Variants in SLX9 observed in about 807,000 individuals in gnomAD.
SLX9 encodes ribosome biogenesis protein SLX9 homolog.
A neutral mutation model predicts 20.8 loss-of-function variants in SLX9; 19 were observed. The observed-to-expected ratio is 0.91, with a 90% CI of 0.64 to 1.34. The LOEUF is 1.34. Among genes scored for constraint, SLX9 ranks in the 40% most tolerant of loss-of-function variants. The pLI, the probability that SLX9 is intolerant of heterozygous loss-of-function variation, is 0.00. For synonymous variants in SLX9, 113 were observed against 137.1 expected (o/e 0.82, Z 1.23); for missense variants, 299 against 322.2 (o/e 0.93, Z 0.55).
intron 2 of SLX9, among the ~76,000 whole-genome samples, chr21:44,954,578 G>T (rs2084820313): frequency 6.6e-6 from 1 of 152,200 alleles, no homozygotes; most frequent in Admixed American, 6.5e-5. Flanking sequence ...GACTGCGGAG[G>T]TGGGCACAGG....
At chr21:44,963,437 T>C (rs2084982019) in intron 3 of SLX9, among the ~76,000 whole-genome samples, 1 of 151,848 alleles carries the variant, frequency 6.6e-6, no homozygotes, top group Admixed American at 6.6e-5. Flanking sequence ...ATATTAGTTA[T>C]TGTGTGTGTG....
At position 44,950,934 on chromosome 21, in the gene SLX9, G is replaced by T. The variant is rs1194192121; in HGVS notation, c.283+7097G>T. ...AGCACAGAGACTGGCCCAGGCGGGT[G>T]TGGGCTGCACCTGTGCCTGAGGATC... On this transcript the variant is annotated intron_variant, in intron 2 of 5. Transcript: ENST00000291634. 2.6e-5 allele frequency among the ~76,000 whole-genome samples: 4 copies of T among 152,328 alleles called. No homozygotes were observed. The East Asian group carries it at 7.7e-4, about 29-fold the overall frequency.
chr21:44,947,672 T>C (rs892245710), intron 2 of SLX9, among the ~76,000 whole-genome samples: 2 of 152,112 alleles, frequency 1.3e-5, no homozygotes, highest in African/African-American at 2.4e-5. Flanking sequence ...TCTGACCCCC[T>C]GTTCCCTTCC....
At chr21:44,945,142 C>T (rs912351277) in intron 2 of SLX9, among the ~76,000 whole-genome samples, 1 of 152,122 alleles carries the variant, frequency 6.6e-6, no homozygotes, top group Non-Finnish European at 1.5e-5. Flanking sequence ...CACAAAGCGG[C>T]GACAGACATA....
rs138843555 is a variant in SLX9 at position 44,948,929 on chromosome 21, G to A, written c.283+5092G>A. On this transcript the variant is annotated intron_variant, in intron 2 of 5. Coordinates refer to ENST00000291634, the MANE Select transcript of SLX9 (RefSeq NM_058190.4). ...GCAAGTGTGGGGTCCGGCCATTGCA[G>A]GCCAGCGCCAAGCCACCCTCAGCCC... Among the ~76,000 whole-genome samples the A allele has an allele frequency of 2.3e-3, 347 of 152,312 alleles. 2 individuals carry two copies. Among genetic ancestry groups the A allele is most frequent in the African/African-American group, 7.8e-3 (324 of 41,570 alleles).
At chr21:44,951,622 A>G (rs1225196113) in intron 2 of SLX9, among the ~76,000 whole-genome samples, 1 of 152,194 alleles carries the variant, frequency 6.6e-6, no homozygotes, top group African/African-American at 2.4e-5. Flanking sequence ...ATTGCAGAAT[A>G]GACAAATACG....
chr21:44,958,703 G>A (rs1225683886), intron 2 of SLX9, among the ~76,000 whole-genome samples: 3 of 152,224 alleles, frequency 2.0e-5, no homozygotes, highest in South Asian at 2.1e-4. Context: ...GCTGGGGGTC[G>A]TGGGGCCGCC....
intron 2 of SLX9, among the ~76,000 whole-genome samples, chr21:44,953,861 G>A (rs372690996): frequency 2.6e-5 from 4 of 152,322 alleles, no homozygotes; most frequent in Admixed American, 6.5e-5. Context: ...AACCTCGGCC[G>A]CACCCCAAGG....
chr21:44,949,436 C>A (rs560837929), intron 2 of SLX9, among the ~76,000 whole-genome samples: 5 of 152,106 alleles, frequency 3.3e-5, no homozygotes, highest in Non-Finnish European at 7.4e-5. Flanking sequence ...CACCCTCGGC[C>A]GGGTGGACAC....
At chr21:44,944,728 G>A (rs1351693725) in intron 2 of SLX9, among the ~76,000 whole-genome samples, 1 of 152,224 alleles carries the variant, frequency 6.6e-6, no homozygotes, top group African/African-American at 2.4e-5. Context: ...CTTCACAGTC[G>A]GCAGAGCTGG....
chr21:44,940,685 T>TTC (rs2146598753), intron 1 of SLX9, among the ~76,000 whole-genome samples: 1 of 147,174 alleles, frequency 6.8e-6, no homozygotes, highest in East Asian at 2.0e-4. Context: ...TTTTTTTTTT[T>TTC]TTGGCTTTTG....
intron 3 of SLX9, among the ~76,000 whole-genome samples, chr21:44,962,141 T>G (rs1436136264): frequency 2.6e-5 from 4 of 152,058 alleles, no homozygotes; most frequent in Admixed American, 2.6e-4. Flanking sequence ...TCTGCTAGAG[T>G]TCATGGTTCT....
intron 3 of SLX9, among the ~76,000 whole-genome samples, chr21:44,964,936 T>C (rs2085007778): frequency 6.6e-6 from 1 of 152,200 alleles, no homozygotes; most frequent in South Asian, 2.1e-4. Flanking sequence ...GACCCCAGTT[T>C]ATCTAACCTC....
intron 4 of SLX9, among the ~76,000 whole-genome samples, chr21:44,969,951 C>T (rs552389977): frequency 6.6e-6 from 1 of 151,560 alleles, no homozygotes; most frequent in East Asian, 1.9e-4. Context: ...AGCTGAAGAT[C>T]TGTCTGATGT....
chr21:44,951,616 C>G (rs1328082010), intron 2 of SLX9, among the ~76,000 whole-genome samples: 1 of 152,160 alleles, frequency 6.6e-6, no homozygotes, highest in East Asian at 1.9e-4. Context: ...GCACACATTG[C>G]AGAATAGACA....
chr21:44,955,211 A>AG (rs2084833425), intron 2 of SLX9, among the ~76,000 whole-genome samples: 1 of 150,580 alleles, frequency 6.6e-6, no homozygotes, highest in Non-Finnish European at 1.5e-5. Context: ...TTGTCTCAAA[A>AG]AAAAAAAAAA....
chr21:44,968,269 C>A (rs547621864), intron 4 of SLX9, among the ~76,000 whole-genome samples: 3 of 152,142 alleles, frequency 2.0e-5, no homozygotes, highest in African/African-American at 7.2e-5. Context: ...TGACACAACC[C>A]CCAGTGACGC....
intron 1 of SLX9, among the ~76,000 whole-genome samples, chr21:44,942,194 C>T (rs2084562443): frequency 6.6e-6 from 1 of 152,222 alleles, no homozygotes; most frequent in Admixed American, 6.5e-5. Context: ...TACCAACATA[C>T]ATTCATGATC....
intron 1 of SLX9, among the ~76,000 whole-genome samples, chr21:44,941,294 A>G (rs1235379387): frequency 1.3e-5 from 2 of 152,064 alleles, no homozygotes; most frequent in Non-Finnish European, 2.9e-5. Flanking sequence ...CCTTCTTTGA[A>G]TGTATCACTT....
Sources: gnomAD v4.1 joint callset for allele counts (sites outside exome capture counted in the v4.1 genomes callset) on GRCh38, gnomAD v4.1.1 for gene constraint, MANE v1.5 for transcripts, NCBI Gene and HGNC (gene_info 2026-07-23, HGNC 2026-07-21) for gene names.